Variants in WNK1 observed in about 807,000 individuals in gnomAD.
WNK1 encodes serine/threonine-protein kinase WNK1.
In WNK1, 38 loss-of-function variants were observed where a neutral mutation model predicts 222.8. The ratio of observed to expected loss-of-function variants is 0.17; its 90% confidence interval spans 0.13 to 0.22. The LOEUF is 0.22. WNK1 is among the 10% of genes least tolerant of loss of function. The probability of loss-of-function intolerance (pLI) is 1.00; values close to 1 mark genes in which losing one functional copy is unlikely to be tolerated. For missense variants in WNK1, 2,348 were observed against 2,918.4 expected, an observed-to-expected ratio of 0.80 and a Z score of 4.50; for synonymous variants, 1,090 against 1,092.9, an observed-to-expected ratio of 1.00 and a Z score of 0.05.
chr12:853,746 T>C (rs1019931299), intron 4 of WNK1, among the ~76,000 whole-genome samples: 2 of 152,202 alleles, frequency 1.3e-5, no homozygotes, highest in African/African-American at 2.4e-5. Flanking sequence ...TATGTGCTTA[T>C]GGAAGAAGGA....
At chr12:886,167 G>A (rs1953628935) in intron 19 of WNK1, 83 bp downstream of exon 19, 3 of 1,226,394 alleles carry the variant, frequency 2.4e-6, no homozygotes, top group Non-Finnish European at 3.4e-6. Context: ...CTTCAGCCTT[G>A]TAAGTTAGAA....
At chr12:809,800 A>G (rs1946742335) in intron 1 of WNK1, among the ~76,000 whole-genome samples, 1 of 152,204 alleles carries the variant, frequency 6.6e-6, no homozygotes, top group Non-Finnish European at 1.5e-5. Context: ...TTCTTTTAAC[A>G]CATAGAATAA....
chr12:868,521 C>G (rs778022120), intron 8 of WNK1: 12 of 1,613,924 alleles, frequency 7.4e-6, no homozygotes, highest in Non-Finnish European at 8.5e-6. Context: ...ATTTCTGCAC[C>G]TATCAGTACA....
chr12:759,156 T>A (rs149190197), intron 1 of WNK1, among the ~76,000 whole-genome samples: 4,335 of 147,280 alleles, frequency 0.029, 585 homozygotes, highest in Non-Finnish European at 0.049. Context: ...TACATTTTTT[T>A]AGATAAAGCT....
chr12:892,329 T>C (rs1412454128), intron 22 of WNK1, among the ~76,000 whole-genome samples: 2 of 152,160 alleles, frequency 1.3e-5, no homozygotes, highest in Non-Finnish European at 2.9e-5. Context: ...CCATATAGTC[T>C]CTTGCAACTT....
chr12:886,522 T>C (rs1454989703), intron 19 of WNK1, among the ~76,000 whole-genome samples: 1 of 151,664 alleles, frequency 6.6e-6, no homozygotes, highest in African/African-American at 2.4e-5. Context: ...TTATAAAAAA[T>C]TGGAAGTTAG....
Position 887,307 on chromosome 12 carries a change from G to A in WNK1, c.5364+3G>A. On this transcript the variant is annotated splice_donor_region_variant and intron_variant, in intron 20 of 27. Coordinates refer to ENST00000315939, the MANE Select transcript of WNK1 (RefSeq NM_018979.4). ...TTCCAGGACCTTCTCTAACCCAGGTGCCTCAAGACTTGACAAATTTCTTCC... is the reference window on the plus strand; with the variant it reads ...TTCCAGGACCTTCTCTAACCCAGGTACCTCAAGACTTGACAAATTTCTTCC... 6.2e-7 allele frequency: 1 copy of A among 1,614,124 alleles called. No individual in the cohort carries two copies.
At chr12:771,633 C>T (rs1942512395) in intron 1 of WNK1, among the ~76,000 whole-genome samples, 1 of 152,028 alleles carries the variant, frequency 6.6e-6, no homozygotes, top group South Asian at 2.1e-4. Context: ...CACGGTTTCA[C>T]CATATTGGCC....
At chr12:772,386 C>A (rs1396554514) in intron 1 of WNK1, among the ~76,000 whole-genome samples, 1 of 151,504 alleles carries the variant, frequency 6.6e-6, no homozygotes, top group Non-Finnish European at 1.5e-5. Context: ...AATATTTGTA[C>A]ACAGTAATCA....
At chr12:755,640 C>G (rs1286970801) in intron 1 of WNK1, among the ~76,000 whole-genome samples, 1 of 151,468 alleles carries the variant, frequency 6.6e-6, no homozygotes, top group Non-Finnish European at 1.5e-5. Context: ...AAAAAAAAAC[C>G]TCGTCAAACG....
intron 1 of WNK1, among the ~76,000 whole-genome samples, chr12:785,633 G>A (rs778547626): frequency 2.2e-4 from 33 of 152,032 alleles, no homozygotes; most frequent in Non-Finnish European, 3.7e-4. Context: ...TCCTGACCTC[G>A]TGATCCACCC....
At chr12:834,737 G>A (rs1451876717) in intron 4 of WNK1, among the ~76,000 whole-genome samples, 2 of 152,152 alleles carry the variant, frequency 1.3e-5, no homozygotes, top group East Asian at 3.9e-4. Context: ...GGTACTGATA[G>A]TAGGCTGTGG....
chr12:858,706 C>T (rs539668010), intron 5 of WNK1, among the ~76,000 whole-genome samples: 3 of 152,280 alleles, frequency 2.0e-5, no homozygotes, highest in Admixed American at 1.3e-4. Context: ...TCAGCATTTA[C>T]AGCTTTTATA....
chr12:835,549 A>G (rs1949114406), intron 4 of WNK1, among the ~76,000 whole-genome samples: 1 of 152,226 alleles, frequency 6.6e-6, no homozygotes. Context: ...TATTAATTAT[A>G]AACTGTGACC....
chr12:760,455 A>T (rs547792580), intron 1 of WNK1, among the ~76,000 whole-genome samples: 1 of 147,688 alleles, frequency 6.8e-6, no homozygotes, highest in Admixed American at 6.7e-5. Context: ...AATATGTCTT[A>T]CTGATTTAGG....
intron 6 of WNK1, among the ~76,000 whole-genome samples, chr12:859,746 C>T (rs1951062379): frequency 6.7e-6 from 1 of 150,030 alleles, no homozygotes; most frequent in Non-Finnish European, 1.5e-5. Flanking sequence ...CAGGGTCTTG[C>T]TCTGTCACCA....
chr12:843,022 G>T (rs1393333748), intron 4 of WNK1, among the ~76,000 whole-genome samples: 1 of 152,140 alleles, frequency 6.6e-6, no homozygotes, highest in Non-Finnish European at 1.5e-5. Flanking sequence ...TGCAACCTCT[G>T]CCTCCTGGAT....
intron 5 of WNK1, among the ~76,000 whole-genome samples, chr12:857,624 TCTTTA>T (rs1950885579): frequency 6.6e-6 from 1 of 152,256 alleles, no homozygotes; most frequent in Non-Finnish European, 1.5e-5. Flanking sequence ...AAACTTTGGC[TCTTTA>T]AAGTCAGCTC....
chr12:885,518 A>G lies in WNK1; in HGVS notation c.4714A>G (p.Ile1572Val), dbSNP rs1953570412. Residue 1572 changes from isoleucine to valine, a missense_variant, in exon 19 of 28, where the codon ATT becomes GTT. Transcript: ENST00000315939. ...SQPGGLHPLV[I>V]PSVIASTPIL... Reference sequence around the variant, plus strand: ...GCCTGGTGGGCTGCATCCTTTGGTCATTCCATCAGTGATAGCTTCTACTCC... The same window carrying G: ...GCCTGGTGGGCTGCATCCTTTGGTCGTTCCATCAGTGATAGCTTCTACTCC... 7 of 1,614,058 alleles carry G rather than the reference A, an allele frequency of 4.3e-6. No homozygotes were observed. Among genetic ancestry groups the G allele is most frequent in the Non-Finnish European group, 5.9e-6 (7 of 1,180,008 alleles).
Sources: allele counts gnomAD v4.1 joint callset (sites outside exome capture counted in the v4.1 genomes callset), GRCh38; gene constraint gnomAD v4.1.1; transcripts MANE v1.5; gene names NCBI Gene and HGNC (gene_info 2026-07-23, HGNC 2026-07-21).